SNAP91: variants seen among roughly 807,000 people sequenced by gnomAD.
SNAP91 encodes clathrin coat assembly protein AP180.
A neutral mutation model predicts 100.3 loss-of-function variants in SNAP91; 27 were observed. The observed-to-expected ratio is 0.27, with a 90% CI of 0.20 to 0.37. SNAP91 has a LOEUF of 0.37. SNAP91 is among the 10% of genes least tolerant of loss of function. The pLI, the probability that SNAP91 is intolerant of heterozygous loss-of-function variation, is 1.00. For missense variants in SNAP91, 986 were observed against 1,123.7 expected, an observed-to-expected ratio of 0.88 and a Z score of 1.75; for synonymous variants, 404 against 398.6, an observed-to-expected ratio of 1.01 and a Z score of -0.16.
At chr6:83,690,364 G>C (rs996714865) in intron 2 of SNAP91, 7 of 1,288,116 alleles carry the variant, frequency 5.4e-6, no homozygotes, top group Non-Finnish European at 7.1e-6. Context: ...TTGGTTGTAT[G>C]ACTCAAAAGA....
chr6:83,563,187 C>G (rs1790979859), intron 26 of SNAP91, among the ~76,000 whole-genome samples: 1 of 152,314 alleles, frequency 6.6e-6, no homozygotes. Context: ...ACACTGTAAA[C>G]AGCAACCCGC....
intron 2 of SNAP91, among the ~76,000 whole-genome samples, chr6:83,682,172 CTTTT>C (rs59549595): frequency 8.1e-6 from 1 of 123,494 alleles, no homozygotes. Context: ...TTCTTTAATT[CTTTT>C]TTTTTTTTTT....
chr6:83,584,352 A>G (rs1270538147), intron 22 of SNAP91, among the ~76,000 whole-genome samples: 1 of 152,214 alleles, frequency 6.6e-6, no homozygotes, highest in Non-Finnish European at 1.5e-5. Context: ...CTGTCATCTC[A>G]TGGCTAGAAG....
chr6:83,571,447 TG>T (rs1482792031), intron 26 of SNAP91, among the ~76,000 whole-genome samples: 1 of 152,172 alleles, frequency 6.6e-6, no homozygotes, highest in African/African-American at 2.4e-5. Flanking sequence ...ATATAAGACT[TG>T]GCGTCAAAGG....
In SNAP91 at chr6:83,673,577, T is replaced by G. The variant is rs16873309; in HGVS notation, c.131-7996A>C. Among the ~76,000 whole-genome samples the G allele has an allele frequency of 7.8e-3, 1,182 of 152,290 alleles. 16 individuals carry two copies. Among genetic ancestry groups the G allele is most frequent in the African/African-American group, 0.027 (1,103 of 41,566 alleles). Reference sequence around the variant, plus strand: ...ATCCCTCTCTTCTAGTTAACAACAATCAAAGAGTTCAAACTTGCAAACATT... The same window carrying G: ...ATCCCTCTCTTCTAGTTAACAACAAGCAAAGAGTTCAAACTTGCAAACATT... On this transcript the variant is annotated intron_variant, in intron 2 of 29. Transcript: ENST00000369694.
At chr6:83,592,356 T>C (rs1190189400) in intron 21 of SNAP91, 99 bp downstream of exon 21, 3 of 798,476 alleles carry the variant, frequency 3.8e-6, no homozygotes, top group Non-Finnish European at 5.7e-6. Context: ...GAATTTTATA[T>C]AGCCTAAAGA....
At chr6:83,605,284 T>C (rs1331621128) in intron 14 of SNAP91, among the ~76,000 whole-genome samples, 2 of 152,130 alleles carry the variant, frequency 1.3e-5, no homozygotes, top group Non-Finnish European at 2.9e-5. Context: ...AGGCTACACC[T>C]GACCAAACCA....
chr6:83,644,115 C>A (rs968857928), intron 7 of SNAP91, among the ~76,000 whole-genome samples: 1 of 152,108 alleles, frequency 6.6e-6, no homozygotes, highest in African/African-American at 2.4e-5. Context: ...GAGTTTATAT[C>A]TTTGCATCTG....
At chr6:83,580,191 T>C (rs1825998596) in intron 24 of SNAP91, among the ~76,000 whole-genome samples, 1 of 152,196 alleles carries the variant, frequency 6.6e-6, no homozygotes, top group Non-Finnish European at 1.5e-5. Flanking sequence ...TACTTGTATA[T>C]GCTCCCTGAT....
intron 23 of SNAP91, among the ~76,000 whole-genome samples, 192 bp downstream of exon 23, chr6:83,582,030 T>G (rs1829189987): frequency 6.6e-6 from 1 of 152,194 alleles, no homozygotes; most frequent in South Asian, 2.1e-4. Context: ...TGCAGGTTAT[T>G]CTTATGGATA....
intron 7 of SNAP91, 104 bp downstream of exon 7, chr6:83,656,650 A>C (rs552776790): frequency 1.9e-4 from 101 of 518,054 alleles, no homozygotes; most frequent in Middle Eastern, 5.3e-4. Context: ...ATGATATTCC[A>C]CACAATATTG....
intron 8 of SNAP91, among the ~76,000 whole-genome samples, chr6:83,633,290 G>A (rs1168681293): frequency 6.6e-6 from 1 of 152,198 alleles, no homozygotes. Flanking sequence ...AGAGGTGGCA[G>A]AAATGAACTC....
chr6:83,705,023 C>T (rs2099360086), intron 2 of SNAP91, among the ~76,000 whole-genome samples: 1 of 152,126 alleles, frequency 6.6e-6, no homozygotes, highest in Non-Finnish European at 1.5e-5. Flanking sequence ...AGGAACTTCA[C>T]AAAGAATTCT....
At chr6:83,624,506 C>A (rs1450471788) in intron 8 of SNAP91, among the ~76,000 whole-genome samples, 1 of 152,094 alleles carries the variant, frequency 6.6e-6, no homozygotes, top group Admixed American at 6.6e-5. Context: ...AACTGGAGAT[C>A]AGAAAATCCA....
intron 5 of SNAP91, among the ~76,000 whole-genome samples, chr6:83,660,635 A>G (rs989751162): frequency 1.3e-5 from 2 of 152,126 alleles, no homozygotes; most frequent in African/African-American, 4.8e-5. Context: ...GGTTTTCTTA[A>G]TTGGTAGTAT....
intron 7 of SNAP91, among the ~76,000 whole-genome samples, chr6:83,649,856 T>G (rs184275224): frequency 6.6e-6 from 1 of 152,144 alleles, no homozygotes; most frequent in Non-Finnish European, 1.5e-5. Context: ...CCCAAAGTGT[T>G]GGGATTACAG....
intron 2 of SNAP91, among the ~76,000 whole-genome samples, chr6:83,677,458 CATGTGCATG>C (rs1423901998): frequency 6.6e-6 from 1 of 152,170 alleles, no homozygotes; most frequent in East Asian, 1.9e-4. Context: ...AATTTCCAAC[CATGTGCATG>C]AGTCTGAAAC....
chr6:83,633,707 A>G (rs2097304338), intron 8 of SNAP91, among the ~76,000 whole-genome samples: 1 of 152,006 alleles, frequency 6.6e-6, no homozygotes, highest in Non-Finnish European at 1.5e-5. Flanking sequence ...AATCCAAAGG[A>G]CCAGTCTCAT....
At chr6:83,606,114 A>G (rs58773586) in intron 13 of SNAP91, among the ~76,000 whole-genome samples, 4,343 of 152,274 alleles carry the variant, frequency 0.029, 76 homozygotes, top group East Asian at 0.059. Context: ...GTTCAAATAA[A>G]ACTTTATTTA....
Sources: allele counts gnomAD v4.1 joint callset (sites outside exome capture counted in the v4.1 genomes callset), GRCh38; gene constraint gnomAD v4.1.1; transcripts MANE v1.5; gene names NCBI Gene and HGNC (gene_info 2026-07-23, HGNC 2026-07-21).